Variants in CACNA1C observed in about 807,000 individuals in gnomAD.
The protein encoded by CACNA1C is voltage-dependent L-type calcium channel subunit alpha-1C.
A neutral mutation model predicts 229.0 loss-of-function variants in CACNA1C; 30 were observed. The ratio of observed to expected loss-of-function variants is 0.13; its 90% confidence interval spans 0.10 to 0.18. The LOEUF (loss-of-function observed/expected upper bound fraction) is 0.18, where lower values mean the gene tolerates loss of function less well. Ranked by LOEUF, CACNA1C falls within the 10% of genes least tolerant of loss-of-function variation. CACNA1C has a pLI of 1.00. For synonymous variants in CACNA1C, 1,114 were observed against 1,132.5 expected (o/e 0.98, Z 0.33); for missense variants, 1,658 against 2,845.0 (o/e 0.58, Z 9.49).
intron 1 of CACNA1C, among the ~76,000 whole-genome samples, chr12:2,030,954 T>G (rs1021956334): frequency 6.6e-6 from 1 of 152,236 alleles, no homozygotes; most frequent in African/African-American, 2.4e-5. Flanking sequence ...TCCTGACATC[T>G]TTGCCTTCTC....
intron 9 of CACNA1C, among the ~76,000 whole-genome samples, chr12:2,514,852 A>G (rs1454567463): frequency 6.6e-6 from 1 of 152,110 alleles, no homozygotes; most frequent in Non-Finnish European, 1.5e-5. Flanking sequence ...CATTAAATGA[A>G]TAAATTGTTA....
At chr12:2,103,941 C>T (rs1006367571) in intron 1 of CACNA1C, among the ~76,000 whole-genome samples, 21 of 152,218 alleles carry the variant, frequency 1.4e-4, no homozygotes, top group African/African-American at 5.1e-4. Flanking sequence ...GTCTATATAT[C>T]TGTTTTGGTA....
intron 1 of CACNA1C, among the ~76,000 whole-genome samples, chr12:2,110,950 G>GAGAGGCCACACCTGTCTCACCCA (rs1264735937): frequency 4.0e-5 from 6 of 149,146 alleles, no homozygotes; most frequent in Non-Finnish European, 8.9e-5. Context: ...TGTCTCACCC[G>GAGAGGCCACACCTGTCTCACCCA]AGAGGCCACA....
intron 1 of CACNA1C, among the ~76,000 whole-genome samples, chr12:2,089,270 C>G (rs2069143488): frequency 6.6e-6 from 1 of 152,216 alleles, no homozygotes; most frequent in Non-Finnish European, 1.5e-5. Context: ...CTGAGGTAAG[C>G]CATTGATGTG....
At chr12:2,637,061 C>T (rs1270652291) in intron 30 of CACNA1C, among the ~76,000 whole-genome samples, 1 of 152,206 alleles carries the variant, frequency 6.6e-6, no homozygotes, top group African/African-American at 2.4e-5. Context: ...AAAGAACAAA[C>T]ATAACATCCC....
intron 3 of CACNA1C, among the ~76,000 whole-genome samples, chr12:2,274,832 G>C (rs189681164): frequency 1.3e-5 from 2 of 152,304 alleles, no homozygotes; most frequent in East Asian, 3.9e-4. Flanking sequence ...ACATGAGATG[G>C]TGGAGTTCCA....
intron 1 of CACNA1C, among the ~76,000 whole-genome samples, chr12:2,060,457 T>C (rs1194514187): frequency 2.0e-5 from 3 of 152,222 alleles, no homozygotes; most frequent in African/African-American, 7.2e-5. Flanking sequence ...GGTGGTAGAC[T>C]CAGCCCATGG....
chr12:2,513,312 C>G (rs1453542421), intron 9 of CACNA1C, among the ~76,000 whole-genome samples: 2 of 152,240 alleles, frequency 1.3e-5, no homozygotes, highest in Non-Finnish European at 2.9e-5. Context: ...GGGGCACAGG[C>G]TTCCCGTTTG....
Position 2,490,896 on chromosome 12 carries a change from C to T in CACNA1C, c.917-2294C>T, listed in dbSNP as rs549385824. Among the ~76,000 whole-genome samples, 35 of 152,244 alleles carry T rather than the reference C, an allele frequency of 2.3e-4. No homozygotes were observed. The South Asian group carries it at 5.2e-3, about 23-fold the overall frequency. On this transcript the variant is annotated intron_variant, in intron 6 of 46. Transcript: ENST00000399655. ...GTGCAGACCTTTGCACCTTGATCAA[C>T]GAACACAGGACTCACACACAACTTT... is the stretch of plus-strand genomic sequence containing the variant.
intron 3 of CACNA1C, among the ~76,000 whole-genome samples, chr12:2,271,381 C>A (rs1419675845): frequency 6.6e-6 from 1 of 152,168 alleles, no homozygotes; most frequent in African/African-American, 2.4e-5. Flanking sequence ...GAGAGAATCT[C>A]CCCCATGAGG....
At chr12:2,150,666 G>T (rs997008327) in intron 3 of CACNA1C, among the ~76,000 whole-genome samples, 8 of 152,162 alleles carry the variant, frequency 5.3e-5, no homozygotes, top group African/African-American at 1.9e-4. Context: ...ACACGTGTGG[G>T]TTGGCATGCA....
At chr12:2,390,668 C>A (rs963707985) in intron 3 of CACNA1C, among the ~76,000 whole-genome samples, 1 of 152,018 alleles carries the variant, frequency 6.6e-6, no homozygotes, top group Non-Finnish European at 1.5e-5. Context: ...TGAAGATGAT[C>A]AGGATTTCTT....
At chr12:2,587,887 A>T (rs2063257105) in intron 18 of CACNA1C, among the ~76,000 whole-genome samples, 1 of 151,724 alleles carries the variant, frequency 6.6e-6, no homozygotes, top group South Asian at 2.1e-4. Context: ...ACCAGCCACC[A>T]CTCCGGCCTC....
intron 3 of CACNA1C, among the ~76,000 whole-genome samples, chr12:2,238,288 C>G (rs1407608339): frequency 6.6e-6 from 1 of 152,174 alleles, no homozygotes; most frequent in Non-Finnish European, 1.5e-5. Flanking sequence ...ATGACCTTCC[C>G]ACGGAAATAA....
intron 45 of CACNA1C, 51 bp downstream of exon 45, chr12:2,686,320 G>C: frequency 1.5e-6 from 2 of 1,363,238 alleles, no homozygotes. Context: ...AGGCCAGACA[G>C]TCCCCAGGGT....
chr12:2,588,137 C>A (rs992986571), intron 18 of CACNA1C, among the ~76,000 whole-genome samples: 3 of 152,226 alleles, frequency 2.0e-5, no homozygotes, highest in African/African-American at 2.4e-5. Context: ...CCCAGAGACT[C>A]CTCCGAAGAT....
At chr12:2,580,392 G>A (rs1392823655) in intron 13 of CACNA1C, among the ~76,000 whole-genome samples, 1 of 152,204 alleles carries the variant, frequency 6.6e-6, no homozygotes, top group East Asian at 1.9e-4. Context: ...GGCTGCAATG[G>A]GAGTGGCTTG....
chr12:1,980,275 C>T (rs1000765639), intron 1 of CACNA1C, among the ~76,000 whole-genome samples: 2 of 152,166 alleles, frequency 1.3e-5, no homozygotes, highest in South Asian at 2.1e-4. Flanking sequence ...GAGTACTACA[C>T]AGAATAAAAA....
chr12:2,685,590 G>A, intron 43 of CACNA1C, 146 bp from the exon 44 acceptor site: 1 of 652,600 alleles, frequency 1.5e-6, no homozygotes, highest in Non-Finnish European at 2.8e-6. Flanking sequence ...TTCTTGGGGT[G>A]GCAATTCCCC....
Sources: allele counts gnomAD v4.1 joint callset (sites outside exome capture counted in the v4.1 genomes callset), GRCh38; gene constraint gnomAD v4.1.1; transcripts MANE v1.5; gene names NCBI Gene and HGNC (gene_info 2026-07-23, HGNC 2026-07-21).